ZNF77: variants seen among roughly 807,000 people sequenced by gnomAD.
The protein encoded by ZNF77 is zinc finger protein 77.
A neutral mutation model predicts 13.5 loss-of-function variants in ZNF77; 15 were observed. The observed-to-expected ratio is 1.11, with a 90% CI of 0.74 to 1.71. The LOEUF is 1.71. Ranked by LOEUF, ZNF77 falls within the 40% of genes most tolerant of loss-of-function variation. The probability of loss-of-function intolerance (pLI) is 0.00; values close to 1 mark genes in which losing one functional copy is unlikely to be tolerated. For synonymous variants in ZNF77, 282 were observed against 250.0 expected (o/e 1.13, Z -1.21); for missense variants, 717 against 676.4 (o/e 1.06, Z -0.67).
rs2088366798 is a variant in ZNF77 at position 2,933,799 on chromosome 19, T to C, written c.1328A>G (p.Lys443Arg). ...AAGGGAGGAGTGACAGCTGAAGGCTTTCCCACAATGCTTACACTCAAAGGG... is the reference window on the plus strand; with the variant it reads ...AAGGGAGGAGTGACAGCTGAAGGCTCTCCCACAATGCTTACACTCAAAGGG... ...EKPFECKHCG[K>R]AFSCHSSLRE... Residue 443 changes from lysine (K) to arginine (R), a missense_variant, in exon 4 of 4, where the codon AAA becomes AGA. Transcript: ENST00000314531. 2 of 1,613,244 alleles carry C rather than the reference T, an allele frequency of 1.2e-6. No individual in the cohort carries two copies.
At chr19:2,937,183 T>A (rs532592090) in intron 2 of ZNF77, among the ~76,000 whole-genome samples, 1 of 151,998 alleles carries the variant, frequency 6.6e-6, no homozygotes, top group Non-Finnish European at 1.5e-5. Context: ...AGTGAGACCC[T>A]GTCTCAAAAA....
chr19:2,942,466 C>T lies in ZNF77; in HGVS notation c.3+2372G>A, dbSNP rs867780431. Among the ~76,000 whole-genome samples, 24 of 146,566 alleles carry T rather than the reference C, an allele frequency of 1.6e-4. No homozygotes were observed. The South Asian group carries it at 2.0e-3, about 12-fold the overall frequency. On this transcript the variant is annotated intron_variant, in intron 1 of 3. Transcript: ENST00000314531. ...CTCAAACTCGTGGGCTCAAGCGATT[C>T]TCCCCCCTCAGCCTCTCAAGTGGCT...
chr19:2,943,405 T>C (rs1230384850), intron 1 of ZNF77, among the ~76,000 whole-genome samples: 1 of 152,068 alleles, frequency 6.6e-6, no homozygotes, highest in Non-Finnish European at 1.5e-5. Context: ...CTCCCGTTTC[T>C]TCCCCAAACT....
Position 2,933,224 on chromosome 19 carries a change from C to T in ZNF77, c.*265G>A, listed in dbSNP as rs901072109. On this transcript the variant is annotated 3_prime_UTR_variant, in exon 4 of 4. Coordinates refer to ENST00000314531, the MANE Select transcript of ZNF77 (RefSeq NM_021217.3). ...ATTACAAAATATACATAGCTGAAAG[C>T]GTACAAAACAGGATATTTATTAAAT... The T allele has an allele frequency of 3.7e-5, 13 of 350,760 alleles. No homozygotes were observed. In the South Asian group the frequency reaches 7.5e-4, roughly 20 times the overall value. 21.7% of individuals were successfully genotyped at this position (350,760 alleles called of 1,614,324 possible).
chr19:2,935,499 T>TC (rs1293416206), intron 3 of ZNF77, among the ~76,000 whole-genome samples: 1 of 149,154 alleles, frequency 6.7e-6, no homozygotes, highest in Non-Finnish European at 1.5e-5. Context: ...TTTTCGTATT[T>TC]TTTTTTTTTT....
chr19:2,941,254 G>A (rs1384431904), intron 1 of ZNF77, among the ~76,000 whole-genome samples: 1 of 151,504 alleles, frequency 6.6e-6, no homozygotes, highest in Non-Finnish European at 1.5e-5. Flanking sequence ...AAGGCGGGAG[G>A]ATCACTTGAG....
In ZNF77 at chr19:2,937,050, G is replaced by A. The variant is rs147566929; in HGVS notation, c.131-346C>T. Among the ~76,000 whole-genome samples, 54 of 152,230 alleles carry A rather than the reference G, an allele frequency of 3.5e-4. 1 individual carries two copies. The highest frequency in any genetic ancestry group is 9.2e-4 in the Admixed American group (14 of 15,280). On this transcript the variant is annotated intron_variant, in intron 2 of 3. Coordinates refer to ENST00000314531, the MANE Select transcript of ZNF77 (RefSeq NM_021217.3). ...AATAAAAAATTTAAATTAGCCAGGC[G>A]TGGTGTTGTGTGCCTATAATCCCAG...
intron 2 of ZNF77, among the ~76,000 whole-genome samples, 197 bp from the exon 3 acceptor site, chr19:2,936,901 G>A (rs1044024144): frequency 2.0e-5 from 3 of 152,184 alleles, no homozygotes; most frequent in Non-Finnish European, 4.4e-5. Context: ...TGAGCCGGGT[G>A]CAGTGGCTCA....
chr19:2,944,815 C>T, intron 1 of ZNF77, 23 bp downstream of exon 1: 1 of 1,514,716 alleles, frequency 6.6e-7, no homozygotes, highest in Non-Finnish European at 8.8e-7. Context: ...TGGGCCCGGG[C>T]TCGGCTCCCG....
intron 1 of ZNF77, among the ~76,000 whole-genome samples, chr19:2,943,645 G>T (rs962698400): frequency 6.6e-6 from 1 of 150,760 alleles, no homozygotes; most frequent in Non-Finnish European, 1.5e-5. Context: ...GGCAGGTTTC[G>T]GAGGCTGGGG....
intron 1 of ZNF77, among the ~76,000 whole-genome samples, chr19:2,940,714 C>CCTGAT (rs1387509241): frequency 6.6e-6 from 1 of 151,604 alleles, no homozygotes; most frequent in Non-Finnish European, 1.5e-5. Flanking sequence ...AGAATACTGG[C>CCTGAT]CTGATCTGGA....
intron 1 of ZNF77, among the ~76,000 whole-genome samples, chr19:2,943,691 G>GGTT (rs2088470294): frequency 2.4e-5 from 1 of 41,786 alleles, no homozygotes; most frequent in Admixed American, 2.9e-4. Context: ...CTCTAGCCAG[G>GGTT]ATTTTTTTTT....
intron 1 of ZNF77, among the ~76,000 whole-genome samples, chr19:2,944,127 T>TC (rs942548371): frequency 4.0e-5 from 6 of 148,398 alleles, no homozygotes; most frequent in Non-Finnish European, 7.5e-5. Context: ...CTCTCCCCGA[T>TC]CCCCTGACTG....
intron 2 of ZNF77, among the ~76,000 whole-genome samples, chr19:2,937,439 C>T (rs925448400): frequency 1.3e-5 from 2 of 151,240 alleles, no homozygotes; most frequent in African/African-American, 4.9e-5. Context: ...GAGCCAAGAT[C>T]GCACCATTGC....
Position 2,933,701 on chromosome 19 carries a change from C to T in ZNF77, c.1426G>A (p.Ala476Thr), listed in dbSNP as rs761501139. ...CNQCGKAFSH[A>T]QYFQKHVRSH... ...CTCACATGCTTTTGAAAGTACTGAG[C>T]GTGGCTGAAGGCTTTCCCACATTGA... The change falls in exon 4 of 4, where the codon GCT becomes ACT. Residue 476 changes from alanine to threonine, a missense_variant. Physicochemically the swap from Ala to Thr is moderately conservative, Grantham distance 58 (BLOSUM62 0). Transcript: ENST00000314531. 4.5e-5 allele frequency: 73 copies of T among 1,611,104 alleles called. 3 individuals carry two copies. The highest frequency in any genetic ancestry group is 3.9e-4 in the African/African-American group (29 of 74,856).
rs2088380487 is a variant in ZNF77 at position 2,934,705 on chromosome 19, G to A, written c.422C>T (p.Pro141Leu). ...VHKSYPTEAKPSECTKCGKAF... is the reference protein window; with the variant it reads ...VHKSYPTEAKLSECTKCGKAF... The stretch of plus-strand genomic sequence containing the variant: ...TTTGCCACACTTAGTGCACTCAGAG[G>A]GTTTAGCTTCGGTAGGGTAACTCTT... Residue 141 changes from proline to leucine, a missense_variant, in exon 4 of 4, where the codon CCC becomes CTC. Pro to Leu is a moderately conservative substitution (Grantham distance 98). Coordinates refer to ENST00000314531, the MANE Select transcript of ZNF77 (RefSeq NM_021217.3). 2 of 1,614,010 alleles carry A rather than the reference G, an allele frequency of 1.2e-6. No individual in the cohort carries two copies. Among genetic ancestry groups the A allele is most frequent in the African/African-American group, 1.3e-5 (1 of 74,890 alleles).
In ZNF77 at chr19:2,934,284, T is replaced by C. The variant is rs3746073; in HGVS notation, c.843A>G (p.Ser281=). The change falls in exon 4 of 4, where the codon TCA becomes TCG. Residue 281 remains serine (S), a synonymous_variant. Coordinates refer to ENST00000314531, the MANE Select transcript of ZNF77 (RefSeq NM_021217.3). Reference sequence around the variant, plus strand: ...GTGTTCTGACATGTTCTCGAAAGTATGAGGGACAGCTGAAGGCTTTCCCAC... The same window carrying C: ...GTGTTCTGACATGTTCTCGAAAGTACGAGGGACAGCTGAAGGCTTTCCCAC... ...KECGKAFSCP[S]YFREHVRTHT... 1,496,916 of 1,614,030 alleles carry C rather than the reference T, an allele frequency of 0.93. 698,117 individuals are homozygous for C. The highest frequency in any genetic ancestry group is 0.96 in the Middle Eastern group (5,819 of 6,062).
At position 2,936,678 on chromosome 19, in the gene ZNF77, C is replaced by T; in HGVS notation, c.157G>A (p.Gly53Arg). Reference protein sequence around the residue: ...LDCYIYVRTSGSSSQRDVFGN... With the variant: ...LDCYIYVRTSRSSSQRDVFGN... ...AAAACGTCCCTCTGAGAACTTGATC[C>T]ACTGGTTCTAACATAAATGTAACAA... is the stretch of plus-strand genomic sequence containing the variant. Residue 53 changes from glycine to arginine, a missense_variant, in exon 3 of 4, where the codon GGA becomes AGA. Transcript: ENST00000314531. 2.5e-6 allele frequency: 4 copies of T among 1,608,238 alleles called. No homozygotes were observed. The highest frequency in any genetic ancestry group is 3.4e-6 in the Non-Finnish European group (4 of 1,178,388).
intron 1 of ZNF77, among the ~76,000 whole-genome samples, chr19:2,942,251 T>TA (rs34908989): frequency 6.6e-6 from 1 of 151,864 alleles, no homozygotes; most frequent in African/African-American, 2.4e-5. Context: ...TTGATATTTT[T>TA]AGTAGAGACG....
Sources: gnomAD v4.1 joint callset for allele counts (sites outside exome capture counted in the v4.1 genomes callset) on GRCh38, gnomAD v4.1.1 for gene constraint, MANE v1.5 for transcripts, NCBI Gene and HGNC (gene_info 2026-07-23, HGNC 2026-07-21) for gene names.